Variants in FAM20B observed in about 807,000 individuals in gnomAD.
FAM20B encodes the protein glycosaminoglycan xylosylkinase.
A neutral mutation model predicts 43.8 loss-of-function variants in FAM20B; 23 were observed. That is an observed-to-expected ratio of 0.53 (90% confidence interval 0.38 to 0.74). The LOEUF (loss-of-function observed/expected upper bound fraction) is 0.74. FAM20B is among the 30% of genes least tolerant of loss of function. FAM20B has a pLI of 0.00. For missense variants in FAM20B, 440 were observed against 510.5 expected, an observed-to-expected ratio of 0.86 and a Z score of 1.33; for synonymous variants, 178 against 192.4, an observed-to-expected ratio of 0.93 and a Z score of 0.62.
At chr1:179,057,159 A>G (rs1651255666) in intron 4 of FAM20B, among the ~76,000 whole-genome samples, 1 of 152,114 alleles carries the variant, frequency 6.6e-6, no homozygotes, top group African/African-American at 2.4e-5. Flanking sequence ...AGCCTGGCCA[A>G]TATGGTGAAA....
intron 2 of FAM20B, among the ~76,000 whole-genome samples, chr1:179,047,439 G>T (rs1650818788): frequency 6.6e-6 from 1 of 152,064 alleles, no homozygotes; most frequent in Admixed American, 6.5e-5. Flanking sequence ...CTGACTGTCT[G>T]GTCCTCCTCT....
chr1:179,066,760 T>C lies in FAM20B; in HGVS notation c.939-40T>C, dbSNP rs552611424. The C allele has an allele frequency of 5.9e-6, 8 of 1,359,480 alleles. No individual in the cohort carries two copies. The South Asian group carries it at 8.2e-5, about 14-fold the overall frequency. 84.2% of individuals were successfully genotyped at this position (1,359,480 alleles called of 1,614,324 possible). ...TGCTTTGATGCTAAGAAGAGAACAG[T>C]ACTTCCACCTAATTCACTAAGTTTT... On this transcript the variant is annotated intron_variant, in intron 6 of 7. Transcript: ENST00000263733.
At chr1:179,039,806 A>G (rs1475698526) in intron 1 of FAM20B, among the ~76,000 whole-genome samples, 2 of 151,842 alleles carry the variant, frequency 1.3e-5, no homozygotes, top group Non-Finnish European at 2.9e-5. Context: ...GTCATAGGAC[A>G]ATAGTGGAGG....
intron 3 of FAM20B, among the ~76,000 whole-genome samples, chr1:179,052,140 T>C (rs936214926): frequency 5.3e-5 from 8 of 152,194 alleles, no homozygotes; most frequent in Admixed American, 4.6e-4. Flanking sequence ...AACACTTGAA[T>C]CTAATGTAAT....
At chr1:179,057,693 G>A (rs1651285802) in intron 4 of FAM20B, among the ~76,000 whole-genome samples, 1 of 152,154 alleles carries the variant, frequency 6.6e-6, no homozygotes, top group South Asian at 2.1e-4. Flanking sequence ...TATTTATTCA[G>A]TACGACTTTA....
Position 179,071,900 on chromosome 1 carries a change from C to T in FAM20B, c.999-13C>T, listed in dbSNP as rs750878446. 2.5e-6 allele frequency: 4 copies of T among 1,591,848 alleles called. No homozygotes were observed. In the South Asian group the frequency reaches 4.4e-5, roughly 18 times the overall value. On this transcript the variant is annotated splice_polypyrimidine_tract_variant and intron_variant, in intron 7 of 7. Coordinates refer to ENST00000263733, the MANE Select transcript of FAM20B (RefSeq NM_014864.4). The stretch of plus-strand genomic sequence containing the variant: ...AAGTTTTATGTACCTTGTTCTATAA[C>T]TTTTTCTCCCAGCATTCGGGTGTCC...
rs200936773 is a variant in FAM20B, at chr1:179,071,971, G to A, written c.1057G>A (p.Ala353Thr). ...NYLKNGVLKS[A>T]LKSAMAHDPI... Reference sequence around the variant, plus strand: ...CCTAAAGAATGGTGTGCTAAAGTCTGCCTTAAAATCTGCCATGGCCCATGA... The same window carrying A: ...CCTAAAGAATGGTGTGCTAAAGTCTACCTTAAAATCTGCCATGGCCCATGA... Residue 353 changes from alanine (A) to threonine (T), a missense_variant, in exon 8 of 8, where the codon GCC becomes ACC. By Grantham distance (58) the Ala-to-Thr change is moderately conservative (BLOSUM62 0). Transcript: ENST00000263733. 21 of 1,614,154 alleles carry A rather than the reference G, an allele frequency of 1.3e-5. No individual in the cohort carries two copies. The highest frequency in any genetic ancestry group is 1.6e-5 in the Non-Finnish European group (19 of 1,180,018).
At chr1:179,032,748 T>G (rs2102483559) in intron 1 of FAM20B, among the ~76,000 whole-genome samples, 1 of 152,362 alleles carries the variant, frequency 6.6e-6, no homozygotes, top group Admixed American at 6.5e-5. Flanking sequence ...TATTTTTAGT[T>G]GAAGACCCTC....
At position 179,064,025 on chromosome 1, in the gene FAM20B, C is replaced by G; in HGVS notation, c.673C>G (p.Leu225Val). The change falls in exon 5 of 8, where the codon CTT (leucine) becomes GTT (valine). Residue 225 changes from leucine to valine, a missense_variant. Leu to Val is a conservative substitution (Grantham distance 32, BLOSUM62 1). Transcript: ENST00000263733. ...AATGGAGGGATCTGTCACACTTTGG[C>G]TTCCAGATGTGTGGCCTCTGCAGAA... Reference protein sequence around the residue: ...DIMEGSVTLWLPDVWPLQKHR... With the variant: ...DIMEGSVTLWVPDVWPLQKHR... 1 of 1,613,824 alleles carries G rather than the reference C, an allele frequency of 6.2e-7. No homozygotes were observed. The highest frequency in any genetic ancestry group is 1.1e-5 in the South Asian group (1 of 91,066).
intron 1 of FAM20B, among the ~76,000 whole-genome samples, chr1:179,041,731 G>A (rs532243437): frequency 4.1e-4 from 62 of 151,730 alleles, no homozygotes; most frequent in Admixed American, 1.1e-3. Context: ...GAGACGGGCC[G>A]GGAGAGGGAG....
At chr1:179,051,161 TAA>T (rs962221503) in intron 3 of FAM20B, among the ~76,000 whole-genome samples, 37 of 151,776 alleles carry the variant, frequency 2.4e-4, no homozygotes, top group African/African-American at 8.4e-4. Flanking sequence ...ATGTGAATTA[TAA>T]GTTTGTAAGT....
chr1:179,039,371 C>T (rs986084550), intron 1 of FAM20B, among the ~76,000 whole-genome samples: 2 of 152,188 alleles, frequency 1.3e-5, no homozygotes, highest in African/African-American at 4.8e-5. Flanking sequence ...TGGTCAGCCC[C>T]ATGCTAGAAG....
intron 3 of FAM20B, 114 bp downstream of exon 3, chr1:179,050,479 G>A (rs185006451): frequency 1.7e-5 from 12 of 702,304 alleles, no homozygotes; most frequent in East Asian, 1.1e-4. Flanking sequence ...ACTTGTTATC[G>A]ATTTTAGATA....
intron 1 of FAM20B, among the ~76,000 whole-genome samples, chr1:179,037,157 G>T (rs1190753200): frequency 6.6e-6 from 1 of 152,136 alleles, no homozygotes; most frequent in Non-Finnish European, 1.5e-5. Context: ...AAATGATTTT[G>T]GCTGCATTAT....
At chr1:179,070,094 G>A (rs1363373688) in intron 7 of FAM20B, among the ~76,000 whole-genome samples, 1 of 152,104 alleles carries the variant, frequency 6.6e-6, no homozygotes, top group African/African-American at 2.4e-5. Flanking sequence ...TGCCCAGGCT[G>A]GAGTGCAGTG....
At chr1:179,033,792 A>C (rs1245069893) in intron 1 of FAM20B, among the ~76,000 whole-genome samples, 2 of 152,096 alleles carry the variant, frequency 1.3e-5, no homozygotes, top group African/African-American at 4.8e-5. Flanking sequence ...TCCTGGGTTC[A>C]AGCGATTCTC....
intron 1 of FAM20B, among the ~76,000 whole-genome samples, chr1:179,040,984 CGGGCAGA>C (rs1650488644): frequency 7.0e-6 from 1 of 142,730 alleles, no homozygotes; most frequent in African/African-American, 2.7e-5. Context: ...ACGGGGCCGG[CGGGCAGA>C]GGCGCTCCCC....
chr1:179,046,594 G>T (rs146366315), intron 2 of FAM20B, among the ~76,000 whole-genome samples: 20,111 of 152,154 alleles, frequency 0.13, 1,667 homozygotes, highest in East Asian at 0.31. Context: ...GAAGGTTGCG[G>T]TGAGCTGAGA....
intron 1 of FAM20B, among the ~76,000 whole-genome samples, chr1:179,027,258 C>G (rs1178549596): frequency 3.3e-5 from 5 of 152,286 alleles, no homozygotes; most frequent in Non-Finnish European, 5.9e-5. Flanking sequence ...TAAATTCTTG[C>G]AAAAATTTCA....
Sources: gnomAD v4.1 joint callset for allele counts (sites outside exome capture counted in the v4.1 genomes callset) on GRCh38, gnomAD v4.1.1 for gene constraint, MANE v1.5 for transcripts, NCBI Gene and HGNC (gene_info 2026-07-23, HGNC 2026-07-21) for gene names.